Variants in PSMC4 observed in about 807,000 individuals in gnomAD.
The protein encoded by PSMC4 is proteasome 26S subunit, ATPase 4.
PSMC4 carries 13 observed loss-of-function variants against 48.4 expected under a neutral mutation model. The observed-to-expected ratio is 0.27, with a 90% CI of 0.18 to 0.43. The LOEUF is 0.43. PSMC4 is among the 20% of genes least tolerant of loss of function. The pLI is 1.00. For missense variants in PSMC4, 262 were observed against 555.9 expected, an observed-to-expected ratio of 0.47 and a Z score of 5.32; for synonymous variants, 202 against 212.3, an observed-to-expected ratio of 0.95 and a Z score of 0.42.
chr19:39,980,879 G>GTT lies in PSMC4; in HGVS notation c.1143+166_1143+167dup. Among the ~76,000 whole-genome samples the GTT allele has an allele frequency of 2.0e-5, 3 of 151,888 alleles. No homozygotes were observed. The highest frequency in any genetic ancestry group is 7.3e-5 in the African/African-American group (3 of 41,332). On this transcript the variant is annotated intron_variant, in intron 10 of 10. Transcript: ENST00000157812. The surrounding 1 kb of genome is among the most constrained non-coding windows in gnomAD (Gnocchi z 4.8). The stretch of plus-strand genomic sequence containing the variant: ...TAGGGGTGGATAGTACAGGGGTAGT[G>GTT]TTTTTGTGTTTTGCTTTGAGACAGG...
chr19:39,978,091 T>C (rs1316037347), intron 6 of PSMC4, among the ~76,000 whole-genome samples: 2 of 152,218 alleles, frequency 1.3e-5, no homozygotes, highest in Non-Finnish European at 2.9e-5. Flanking sequence ...CCCCAAAGTG[T>C]TGGGATCACA....
In PSMC4 at chr19:39,971,172, C is replaced by T. The variant is rs767745104; in HGVS notation, c.-31C>T. 6.2e-7 allele frequency: 1 copy of T among 1,613,780 alleles called. No individual in the cohort carries two copies. The highest frequency in any genetic ancestry group is 2.2e-5 in the East Asian group (1 of 44,862). ...GTCAGCGGAAGCGGTGACAGATCAT[C>T]CCAGGCCACACAGAGGCCGGCTTGG... On this transcript the variant is annotated 5_prime_UTR_variant, in exon 1 of 11. Transcript: ENST00000157812.
chr19:39,980,196 A>G lies in PSMC4; in HGVS notation c.918+50A>G. ...GGAGGTGTGGTGTAGGAACTGGGGA[A>G]AGTTGGGGGCTGGCACCTAAGGGGT... is the stretch of plus-strand genomic sequence containing the variant. On this transcript the variant is annotated intron_variant, in intron 8 of 10. Transcript: ENST00000157812. The surrounding 1 kb of genome is among the most constrained non-coding windows in gnomAD (Gnocchi z 4.8). The G allele has an allele frequency of 6.2e-7, 1 of 1,613,598 alleles. No homozygotes were observed. The highest frequency in any genetic ancestry group is 8.5e-7 in the Non-Finnish European group (1 of 1,179,674).
intron 6 of PSMC4, among the ~76,000 whole-genome samples, chr19:39,976,669 C>T (rs1971204790): frequency 1.3e-5 from 2 of 150,388 alleles, no homozygotes; most frequent in African/African-American, 2.4e-5. Flanking sequence ...CCACCACGCC[C>T]GGCTAATTTT....
Position 39,979,872 on chromosome 19 carries a change from C to A in PSMC4, c.729C>A (p.Gly243=), listed in dbSNP as rs759135902. The change falls in exon 7 of 11, where the codon GGC becomes GGA. Residue 243 remains glycine, a synonymous_variant. Transcript: ENST00000157812. ...TTGTACAGAAGTATCTGGGTGAGGG[C>A]CCCCGCATGGTCCGGGATGTGTTCC... is the stretch of plus-strand genomic sequence containing the variant. ...SEFVQKYLGE[G]PRMVRDVFRL... 2 of 1,614,030 alleles carry A rather than the reference C, an allele frequency of 1.2e-6. No individual in the cohort carries two copies. The highest frequency in any genetic ancestry group is 1.1e-5 in the South Asian group (1 of 91,070).
In PSMC4 at chr19:39,971,302, C is replaced by G. The variant is rs536740367; in HGVS notation, c.36+64C>G. 7.1e-5 allele frequency: 113 copies of G among 1,596,784 alleles called. 1 individual carries two copies. The South Asian group carries it at 1.1e-3, about 16-fold the overall frequency. On this transcript the variant is annotated intron_variant, in intron 1 of 10. Transcript: ENST00000157812. The stretch of plus-strand genomic sequence containing the variant: ...TCGCGGGGAGAGGGTGAAGCCAGAC[C>G]TGAGTGGGGGGAGGAATGGCTTCCA...
intron 6 of PSMC4, among the ~76,000 whole-genome samples, chr19:39,976,437 G>A (rs1273216806): frequency 2.0e-5 from 3 of 147,860 alleles, no homozygotes; most frequent in Non-Finnish European, 4.5e-5. Flanking sequence ...TAGAGACGTG[G>A]CAGTAAACAG....
chr19:39,973,581 TAAAA>T (rs11320252), intron 3 of PSMC4, among the ~76,000 whole-genome samples: 7 of 96,964 alleles, frequency 7.2e-5, no homozygotes, highest in East Asian at 2.9e-4. Context: ...ACACTCTGTC[TAAAA>T]AAAAAAAAAA....
At chr19:39,977,008 T>C (rs9917073) in intron 6 of PSMC4, among the ~76,000 whole-genome samples, 29,904 of 151,822 alleles carry the variant, frequency 0.2, 6,309 homozygotes, top group African/African-American at 0.53. Context: ...TGCCACCACA[T>C]CTGGCTAATT....
chr19:39,980,480 G>A lies in PSMC4; in HGVS notation c.1087+26G>A. The A allele has an allele frequency of 6.2e-7, 1 of 1,612,818 alleles. No individual in the cohort carries two copies. Among genetic ancestry groups the A allele is most frequent in the Non-Finnish European group, 8.5e-7 (1 of 1,179,144 alleles). On this transcript the variant is annotated intron_variant, in intron 9 of 10. Transcript: ENST00000157812. This position sits in a 1 kb window ranked among gnomAD's most constrained non-coding sequence, Gnocchi z 4.8. ...GTATCCTGCTCCAGAAGTCAGGGAG[G>A]GGCCCTAGTTGGGAACGGGGATTAG...
At position 39,981,386 on chromosome 19, in the gene PSMC4, C is replaced by G. The variant is rs1299754174; in HGVS notation, c.*81C>G. ...AGCACCTCTGTCCCAAAACCTCATTCCCTTTTTTCTTTACCCAGGATTGGT... is the reference window on the plus strand; with the variant it reads ...AGCACCTCTGTCCCAAAACCTCATTGCCTTTTTTCTTTACCCAGGATTGGT... On this transcript the variant is annotated 3_prime_UTR_variant, in exon 11 of 11. Coordinates refer to ENST00000157812, the MANE Select transcript of PSMC4 (RefSeq NM_006503.4). 1 of 972,370 alleles carries G rather than the reference C, an allele frequency of 1.0e-6. No homozygotes were observed. The highest frequency in any genetic ancestry group is 1.6e-6 in the Non-Finnish European group (1 of 611,160). The allele number at this position is 972,370 out of a possible 1,614,324, so 60.2% of individuals were successfully genotyped here.
intron 6 of PSMC4, among the ~76,000 whole-genome samples, chr19:39,978,224 T>G: frequency 6.6e-6 from 1 of 150,428 alleles, no homozygotes; most frequent in African/African-American, 2.5e-5. Context: ...GTGGAAGGAG[T>G]AGTAGAGCCC....
In PSMC4 at chr19:39,981,288, C is replaced by G; in HGVS notation, c.1240C>G (p.His414Asp). Residue 414 changes from histidine (H) to aspartate (D), a missense_variant, in exon 11 of 11, where the codon CAT (histidine) becomes GAT (aspartate). Coordinates refer to ENST00000157812, the MANE Select transcript of PSMC4 (RefSeq NM_006503.4). Reference protein sequence around the residue: ...KTVIKKDEQEHEFYK With the variant: ...KTVIKKDEQEDEFYK ...TGTCATCAAGAAGGACGAGCAGGAGCATGAGTTTTACAAGTGACCCTTCCC... is the reference window on the plus strand; with the variant it reads ...TGTCATCAAGAAGGACGAGCAGGAGGATGAGTTTTACAAGTGACCCTTCCC... 6.2e-7 allele frequency: 1 copy of G among 1,613,788 alleles called. No homozygotes were observed. Among genetic ancestry groups the G allele is most frequent in the Non-Finnish European group, 8.5e-7 (1 of 1,179,728 alleles).
In PSMC4 at chr19:39,974,570, C is replaced by T. The variant is rs773555032; in HGVS notation, c.516C>T (p.Ile172=). The change falls in exon 5 of 11, where the codon ATC becomes ATT. Residue 172 remains isoleucine (I), a synonymous_variant. Coordinates refer to ENST00000157812, the MANE Select transcript of PSMC4 (RefSeq NM_006503.4). This position sits in a 1 kb window ranked among gnomAD's most constrained non-coding sequence, Gnocchi z 5.5. ...VMYADIGGMD[I]QKQEVREAVE... Reference sequence around the variant, plus strand: ...ACGCGGACATCGGAGGCATGGACATCCAGAAGCAGGAGGTGCGGGAGGCCG... The same window carrying T: ...ACGCGGACATCGGAGGCATGGACATTCAGAAGCAGGAGGTGCGGGAGGCCG... 1 of 1,614,092 alleles carries T rather than the reference C, an allele frequency of 6.2e-7. No individual in the cohort carries two copies. Among genetic ancestry groups the T allele is most frequent in the East Asian group, 2.2e-5 (1 of 44,866 alleles).
Position 39,971,175 on chromosome 19 carries a change from A to T in PSMC4, c.-28A>T. The stretch of plus-strand genomic sequence containing the variant: ...AGCGGAAGCGGTGACAGATCATCCC[A>T]GGCCACACAGAGGCCGGCTTGGTCA... On this transcript the variant is annotated 5_prime_UTR_variant, in exon 1 of 11. Transcript: ENST00000157812. 1 of 1,613,768 alleles carries T rather than the reference A, an allele frequency of 6.2e-7. No homozygotes were observed. The highest frequency in any genetic ancestry group is 8.5e-7 in the Non-Finnish European group (1 of 1,179,734).
At chr19:39,976,751 C>T (rs945894302) in intron 6 of PSMC4, among the ~76,000 whole-genome samples, 2 of 151,918 alleles carry the variant, frequency 1.3e-5, no homozygotes, top group African/African-American at 2.4e-5. Context: ...CCTCATGATC[C>T]GCCCGCCTGG....
rs1408521567 is a variant in PSMC4 at position 39,972,437 on chromosome 19, G to A, written c.204G>A (p.Leu68=). Residue 68 remains leucine, a synonymous_variant, in exon 3 of 11, where the codon CTG becomes CTA. Transcript: ENST00000157812. ...EEYIKDEQKN[L]KKEFLHAQEE... is the part of the protein sequence containing the mutation. ...ACATCAAAGATGAGCAAAAGAACCTGAAAAAGGAATTTCTCCATGCCCAGG... is the reference window on the plus strand; with the variant it reads ...ACATCAAAGATGAGCAAAAGAACCTAAAAAAGGAATTTCTCCATGCCCAGG... 4 of 1,614,006 alleles carry A rather than the reference G, an allele frequency of 2.5e-6. No individual in the cohort carries two copies. The highest frequency in any genetic ancestry group is 3.4e-6 in the Non-Finnish European group (4 of 1,180,034).
rs1328239073 is a variant in PSMC4, at chr19:39,980,693, T to C, written c.1119T>C (p.Ala373=). Reference sequence around the variant, plus strand: ...CCCGGCCAGATAAGATTTCAGGAGCTGATATTAACTCCATCTGTCAGGAGG... The same window carrying C: ...CCCGGCCAGATAAGATTTCAGGAGCCGATATTAACTCCATCTGTCAGGAGG... ...YVARPDKISG[A]DINSICQESG... is the part of the protein sequence containing the mutation. The change falls in exon 10 of 11, where the codon GCT becomes GCC. Residue 373 remains alanine (A), a synonymous_variant. Transcript: ENST00000157812. This position sits in a 1 kb window ranked among gnomAD's most constrained non-coding sequence, Gnocchi z 4.8. 3 of 1,613,964 alleles carry C rather than the reference T, an allele frequency of 1.9e-6. No individual in the cohort carries two copies. Among genetic ancestry groups the C allele is most frequent in the Non-Finnish European group, 2.5e-6 (3 of 1,180,006 alleles).
Position 39,980,593 on chromosome 19 carries a change from C to T in PSMC4, c.1088-69C>T. 1 of 1,594,910 alleles carries T rather than the reference C, an allele frequency of 6.3e-7. No individual in the cohort carries two copies. Among genetic ancestry groups the T allele is most frequent in the South Asian group, 1.1e-5 (1 of 90,606 alleles). ...GGAGGAGGGGAGGTGACAGAGATGG[C>T]CAAAGATGACTTCCAGCCCCAGGCA... On this transcript the variant is annotated intron_variant, in intron 9 of 10. Transcript: ENST00000157812. The surrounding 1 kb of genome is among the most constrained non-coding windows in gnomAD (Gnocchi z 4.8).
Sources: allele counts gnomAD v4.1 joint callset (sites outside exome capture counted in the v4.1 genomes callset), GRCh38; gene constraint gnomAD v4.1.1; non-coding constraint Gnocchi (gnomAD v3.1); transcripts MANE v1.5; gene names NCBI Gene and HGNC (gene_info 2026-07-23, HGNC 2026-07-21).